The following PDE1C variants were observed in gnomAD, a reference collection of about 807,000 sequenced individuals.
The protein encoded by PDE1C is dual specificity calcium/calmodulin-dependent 3',5'-cyclic nucleotide phosphodiesterase 1C.
In PDE1C, 62 loss-of-function variants were observed where a neutral mutation model predicts 93.1. That is an observed-to-expected ratio of 0.67 (90% CI 0.54 to 0.82). The LOEUF (loss-of-function observed/expected upper bound fraction) is 0.82. Among genes scored for constraint, PDE1C ranks in the 40% least tolerant of loss-of-function variants. The pLI, the probability that PDE1C is intolerant of heterozygous loss-of-function variation, is 0.00. For synonymous variants in PDE1C, 325 were observed against 310.1 expected (o/e 1.05, Z -0.50); for missense variants, 742 against 884.6 (o/e 0.84, Z 2.04).
chr7:32,188,976 C>G (rs1310295109), intron 2 of PDE1C, among the ~76,000 whole-genome samples: 1 of 152,080 alleles, frequency 6.6e-6, no homozygotes, highest in East Asian at 1.9e-4. Flanking sequence ...AATGCATAAC[C>G]CAAGCCTAAA....
rs35712470 is a variant in PDE1C at position 32,420,553 on chromosome 7, C to CAAA, written c.310+7266_310+7268dup. ...TTGGCAACAGAGCAAGGCTCCATCT[C>CAAA]AAAAAAAAAAGGGGGGGTGGTAATA... On this transcript the variant is annotated intron_variant, in intron 1 of 1. Transcript: ENST00000672256. 1.7e-4 allele frequency among the ~76,000 whole-genome samples: 23 copies of CAAA among 136,024 alleles called. 1 individual carries two copies. The highest frequency in any genetic ancestry group is 3.3e-4 in the African/African-American group (12 of 36,878). The allele number at this position is 136,024 out of a possible 152,430, so 89.2% of individuals were successfully genotyped here. A position where few individuals can be genotyped will look rare whatever the true frequency, so the allele number is the denominator to read the frequency against.
intron 2 of PDE1C, among the ~76,000 whole-genome samples, chr7:31,988,751 C>G (rs1185846592): frequency 6.6e-6 from 1 of 151,972 alleles, no homozygotes; most frequent in Non-Finnish European, 1.5e-5. Context: ...AATCCCAGCA[C>G]TTGGGGAGGG....
intron 1 of PDE1C, among the ~76,000 whole-genome samples, chr7:32,255,552 T>G (rs116491987): frequency 6.6e-6 from 1 of 152,136 alleles, no homozygotes; most frequent in Admixed American, 6.5e-5. Context: ...CAGGAGCAAC[T>G]ACGATGCACT....
chr7:31,878,902 A>T (rs1796922005), intron 4 of PDE1C, 94 bp downstream of exon 4: 15 of 1,245,226 alleles, frequency 1.2e-5, no homozygotes, highest in Non-Finnish European at 1.7e-5. Context: ...ATTTATAAAG[A>T]TAGGAAAACT....
intron 1 of PDE1C, among the ~76,000 whole-genome samples, chr7:32,335,998 C>T (rs776389678): frequency 6.6e-6 from 1 of 152,064 alleles, no homozygotes; most frequent in Non-Finnish European, 1.5e-5. Flanking sequence ...CCTTAATTAC[C>T]TTTTTAAAGA....
intron 1 of PDE1C, among the ~76,000 whole-genome samples, chr7:32,368,853 T>G (rs1335776309): frequency 6.6e-6 from 1 of 152,080 alleles, no homozygotes; most frequent in Non-Finnish European, 1.5e-5. Context: ...ATGTATCTAC[T>G]GCCAATTTAT....
intron 3 of PDE1C, among the ~76,000 whole-genome samples, chr7:32,151,747 A>T (rs1412164927): frequency 6.6e-6 from 1 of 152,202 alleles, no homozygotes; most frequent in Non-Finnish European, 1.5e-5. Context: ...CCTGGGACAG[A>T]CTGGGGATAG....
intron 2 of PDE1C, among the ~76,000 whole-genome samples, chr7:31,960,527 A>G (rs1285132959): frequency 6.6e-6 from 1 of 152,236 alleles, no homozygotes; most frequent in African/African-American, 2.4e-5. Flanking sequence ...ACAAACTGTA[A>G]AGTAGATAAC....
chr7:32,056,228 G>C lies in PDE1C; in HGVS notation c.102-4648C>G, dbSNP rs572281108. Reference sequence around the variant, plus strand: ...AGCTTCATGCTGGGAGAGAAGGCAAGGGCATCTTCACAAGGCCAGGCTGAG... The same window carrying C: ...AGCTTCATGCTGGGAGAGAAGGCAACGGCATCTTCACAAGGCCAGGCTGAG... On this transcript the variant is annotated intron_variant, in intron 1 of 17. Transcript: ENST00000396191. Among the ~76,000 whole-genome samples, 6 of 151,904 alleles carry C rather than the reference G, an allele frequency of 3.9e-5. No homozygotes were observed. In the South Asian group the frequency reaches 8.3e-4, roughly 21 times the overall value.
intron 3 of PDE1C, chr7:32,077,732 G>C (rs992491997): frequency 3.0e-6 from 1 of 335,596 alleles, no homozygotes; most frequent in Non-Finnish European, 4.2e-6. Flanking sequence ...CACCACACCC[G>C]GCTAATTTTT....
At chr7:32,273,208 T>C (rs1049325712) in intron 1 of PDE1C, among the ~76,000 whole-genome samples, 2 of 152,150 alleles carry the variant, frequency 1.3e-5, no homozygotes, top group African/African-American at 4.8e-5. Flanking sequence ...ATGACAGACA[T>C]AGGACAAAGA....
chr7:32,120,636 C>T (rs1206724051), intron 3 of PDE1C, among the ~76,000 whole-genome samples: 1 of 152,086 alleles, frequency 6.6e-6, no homozygotes, highest in African/African-American at 2.4e-5. Flanking sequence ...AGCAGCCCTC[C>T]AGAAGCGCAA....
At chr7:31,636,704 C>T in the PDE1C span, among the ~76,000 whole-genome samples, 2 of 151,358 alleles carry the variant, frequency 1.3e-5, no homozygotes, top group Admixed American at 1.3e-4. Context: ...CCCAGAAGCA[C>T]ATAAAGGGAT....
the PDE1C span, among the ~76,000 whole-genome samples, chr7:31,679,652 A>C: frequency 6.6e-6 from 1 of 152,296 alleles, no homozygotes; most frequent in Admixed American, 6.5e-5. Context: ...TTAAAATTCT[A>C]TGTGCCCTTT....
At chr7:31,976,605 T>A (rs1473886141) in intron 2 of PDE1C, among the ~76,000 whole-genome samples, 4 of 152,134 alleles carry the variant, frequency 2.6e-5, no homozygotes, top group African/African-American at 9.7e-5. Context: ...AAAGCCTACC[T>A]CCAAAATGCA....
chr7:32,060,284 G>A (rs1284177905), intron 1 of PDE1C, among the ~76,000 whole-genome samples: 3 of 152,078 alleles, frequency 2.0e-5, no homozygotes, highest in Admixed American at 1.3e-4. Flanking sequence ...ACCCACTCCT[G>A]CAGTGTTCCT....
chr7:32,010,634 A>G (rs1786951875), intron 2 of PDE1C, among the ~76,000 whole-genome samples: 1 of 152,180 alleles, frequency 6.6e-6, no homozygotes, highest in African/African-American at 2.4e-5. Flanking sequence ...TCACTATAAA[A>G]TCAGAAATTT....
chr7:32,065,721 G>C (rs189757952), intron 1 of PDE1C, among the ~76,000 whole-genome samples: 34 of 152,212 alleles, frequency 2.2e-4, no homozygotes, highest in African/African-American at 6.7e-4. Context: ...ACACAGAGAG[G>C]GCTTAAATAA....
intron 1 of PDE1C, among the ~76,000 whole-genome samples, chr7:32,385,038 G>T (rs1246413160): frequency 6.6e-6 from 1 of 152,208 alleles, no homozygotes; most frequent in African/African-American, 2.4e-5. Context: ...AAATGGAACA[G>T]AAATAAATAA....
Sources: gnomAD v4.1 joint callset for allele counts (sites outside exome capture counted in the v4.1 genomes callset) on GRCh38, gnomAD v4.1.1 for gene constraint, MANE v1.5 for transcripts, NCBI Gene and HGNC (gene_info 2026-07-23, HGNC 2026-07-21) for gene names.